The following CYGB variants were observed in gnomAD, a reference collection of about 807,000 sequenced individuals.
CYGB encodes the protein histoglobin.
A neutral mutation model predicts 20.7 loss-of-function variants in CYGB; 13 were observed. The ratio of observed to expected loss-of-function variants is 0.63; its 90% CI spans 0.41 to 1.00. The LOEUF is 1.00. Among genes scored for constraint, CYGB ranks in the 50% least tolerant of loss-of-function variants. CYGB has a pLI of 0.00. For missense variants in CYGB, 218 were observed against 257.2 expected (o/e 0.85, Z 1.04); for synonymous variants, 93 against 107.4 (o/e 0.87, Z 0.83).
chr17:76,542,891 G>A, intron 1 of CYGB: 1 of 594,820 alleles, frequency 1.7e-6, no homozygotes, highest in Non-Finnish European at 3.2e-6. Flanking sequence ...GGGATGGCGA[G>A]GTGGTCGTGC....
At chr17:76,542,655 G>A, upstream of CYGB, 1 of 1,528,758 alleles carries the variant, frequency 6.5e-7, no homozygotes, top group Non-Finnish European at 9.1e-7. Context: ...CTGGGAGCCG[G>A]GGAGGGCAGA....
At chr17:76,542,344 C>T (rs1305992888), upstream of CYGB, among the ~76,000 whole-genome samples, 2 of 152,212 alleles carry the variant, frequency 1.3e-5, no homozygotes, top group Non-Finnish European at 2.9e-5. Flanking sequence ...GAACCACCTG[C>T]CGATGGTGGC....
chr17:76,540,259 GGGGGCAT>G, upstream of CYGB: 2 of 1,026,674 alleles, frequency 1.9e-6, no homozygotes, highest in Non-Finnish European at 3.0e-6. This position sits in a 1 kb window ranked among gnomAD's most constrained non-coding sequence, Gnocchi z 5.0. Context: ...GTCGGGGGGG[GGGGGCAT>G]GGGGCTGGGC....
In CYGB at chr17:76,527,680, C is replaced by A. The variant is rs1411689874; in HGVS notation, c.*898G>T. 1 of 454,000 alleles carries A rather than the reference C, an allele frequency of 2.2e-6. No homozygotes were observed. Among genetic ancestry groups the A allele is most frequent in the South Asian group, 1.6e-5 (1 of 64,476 alleles). The allele number at this position is 454,000 out of a possible 1,614,324, so 28.1% of individuals were successfully genotyped here. On this transcript the variant is annotated 3_prime_UTR_variant, in exon 4 of 4. Coordinates refer to ENST00000293230, the MANE Select transcript of CYGB (RefSeq NM_134268.5). ...GTGAGACCCAGGCATGTGGTCCCGC[C>A]GACCTGCTGCCCAGCAGCCCGGATC...
chr17:76,540,796 G>T (rs906619549), upstream of CYGB, among the ~76,000 whole-genome samples: 1 of 152,244 alleles, frequency 6.6e-6, no homozygotes, highest in Admixed American at 6.5e-5. This position sits in a 1 kb window ranked among gnomAD's most constrained non-coding sequence, Gnocchi z 5.0. Flanking sequence ...GACCAAAGCC[G>T]CTGTGCCTCT....
Position 76,535,848 on chromosome 17 carries a change from G to A in CYGB, c.143+1552C>T, listed in dbSNP as rs114196067. On this transcript the variant is annotated intron_variant, in intron 1 of 3. Coordinates refer to ENST00000293230, the MANE Select transcript of CYGB (RefSeq NM_134268.5). ...CGGTGAGCACTTCCTCCACGTATCCGCACAGGTACCTGGCAGGGGTTGGGA... is the reference window on the plus strand; with the variant it reads ...CGGTGAGCACTTCCTCCACGTATCCACACAGGTACCTGGCAGGGGTTGGGA... 4.1e-3 allele frequency among the ~76,000 whole-genome samples: 630 copies of A among 152,314 alleles called. 4 individuals carry two copies. The highest frequency in any genetic ancestry group is 0.015 in the African/African-American group (607 of 41,562).
chr17:76,539,884 A>G, upstream of CYGB: 1 of 579,870 alleles, frequency 1.7e-6, no homozygotes, highest in South Asian at 2.1e-5. Flanking sequence ...TCAGATCGAG[A>G]CTCCGAATAC....
At position 76,530,846 on chromosome 17, in the gene CYGB, C is replaced by G. The variant is rs758048748; in HGVS notation, c.539+133G>C. On this transcript the variant is annotated intron_variant, in intron 3 of 3. Coordinates refer to ENST00000293230, the MANE Select transcript of CYGB (RefSeq NM_134268.5). This position sits in a 1 kb window ranked among gnomAD's most constrained non-coding sequence, Gnocchi z 6.1. ...TTATGCCTGTTCTTACATGTCAGACCCCAGGGTTGGCCTGCCTCAAGTGTG... is the reference window on the plus strand; with the variant it reads ...TTATGCCTGTTCTTACATGTCAGACGCCAGGGTTGGCCTGCCTCAAGTGTG... 4 of 991,764 alleles carry G rather than the reference C, an allele frequency of 4.0e-6. No individual in the cohort carries two copies. The highest frequency in any genetic ancestry group is 5.8e-6 in the Non-Finnish European group (4 of 690,122). 61.4% of individuals were successfully genotyped at this position (991,764 alleles called of 1,614,324 possible). A position where few individuals can be genotyped will look rare whatever the true frequency, so the allele number is the denominator to read the frequency against.
chr17:76,542,802 GC>G (rs2075007571), intron 1 of CYGB, among the ~76,000 whole-genome samples: 1 of 152,238 alleles, frequency 6.6e-6, no homozygotes, highest in African/African-American at 2.4e-5. Flanking sequence ...GCTACCTTGA[GC>G]CTGTTGTGGT....
chr17:76,532,120 C>T (rs906865125), intron 1 of CYGB: 1 of 166,052 alleles, frequency 6.0e-6, no homozygotes, highest in Non-Finnish European at 1.3e-5. Context: ...TTCATGAAGT[C>T]ATGCTTATGC....
Position 76,531,283 on chromosome 17 carries a change from G to A in CYGB, c.376-141C>T. On this transcript the variant is annotated intron_variant, in intron 2 of 3. Coordinates refer to ENST00000293230, the MANE Select transcript of CYGB (RefSeq NM_134268.5). This position sits in a 1 kb window ranked among gnomAD's most constrained non-coding sequence, Gnocchi z 7.4. The stretch of plus-strand genomic sequence containing the variant: ...CAGCTTTGGGAACCCCGTGCTCTCA[G>A]GACAAGGGTTGCCCTGGACCCAGCC... 1 of 1,221,238 alleles carries A rather than the reference G, an allele frequency of 8.2e-7. No individual in the cohort carries two copies. Among genetic ancestry groups the A allele is most frequent in the Non-Finnish European group, 1.1e-6 (1 of 877,188 alleles). 75.7% of individuals were successfully genotyped at this position (1,221,238 alleles called of 1,614,324 possible).
Position 76,527,986 on chromosome 17 carries a change from C to CG in CYGB, c.*591dup, listed in dbSNP as rs1282611822. The CG allele has an allele frequency of 2.8e-6, 1 of 362,294 alleles. No homozygotes were observed. Among genetic ancestry groups the CG allele is most frequent in the African/African-American group, 2.1e-5 (1 of 47,016 alleles). The allele number at this position is 362,294 out of a possible 1,614,324, so 22.4% of individuals were successfully genotyped here. On this transcript the variant is annotated 3_prime_UTR_variant, in exon 4 of 4. Coordinates refer to ENST00000293230, the MANE Select transcript of CYGB (RefSeq NM_134268.5). ...TGCCCCTCCAGGCCCAGGTCCTCTGCGCTGCTGTGGGATTTCCTCTTTGCC... is the reference window on the plus strand; with the variant it reads ...TGCCCCTCCAGGCCCAGGTCCTCTGCGGCTGCTGTGGGATTTCCTCTTTGCC...
At chr17:76,538,657 C>A (rs568013438), upstream of CYGB, 562 of 348,260 alleles carry the variant, frequency 1.6e-3, 3 homozygotes, top group Non-Finnish European at 2.9e-3. Flanking sequence ...ACCAAGGGCC[C>A]GATTCCGGGC....
At chr17:76,540,554 G>C, upstream of CYGB, 1 of 1,613,550 alleles carries the variant, frequency 6.2e-7, no homozygotes, top group African/African-American at 1.3e-5. The surrounding 1 kb of genome is among the most constrained non-coding windows in gnomAD (Gnocchi z 5.0). Context: ...CTTGGATGCG[G>C]ACCCTCAGTC....
rs2074818444 is a variant in CYGB, at chr17:76,530,140, G to A, written c.539+839C>T. The A allele has an allele frequency of 1.0e-6, 1 of 966,456 alleles. No homozygotes were observed. The highest frequency in any genetic ancestry group is 1.2e-6 in the Non-Finnish European group (1 of 812,948). 59.9% of individuals were successfully genotyped at this position (966,456 alleles called of 1,614,324 possible). ...TACCACGGGAATGTTTCTCTACCAC[G>A]CGTGTCCCGGGCTGCTGGCTGACCT... On this transcript the variant is annotated intron_variant, in intron 3 of 3. Coordinates refer to ENST00000293230, the MANE Select transcript of CYGB (RefSeq NM_134268.5). This position sits in a 1 kb window ranked among gnomAD's most constrained non-coding sequence, Gnocchi z 6.1.
chr17:76,527,570 A>C lies in CYGB; in HGVS notation c.*1008T>G. 2 of 445,768 alleles carry C rather than the reference A, an allele frequency of 4.5e-6. No homozygotes were observed. Among genetic ancestry groups the C allele is most frequent in the Non-Finnish European group, 9.1e-6 (2 of 219,628 alleles). 27.6% of individuals were successfully genotyped at this position (445,768 alleles called of 1,614,324 possible). A position where few individuals can be genotyped will look rare whatever the true frequency, so the allele number is the denominator to read the frequency against. Reference sequence around the variant, plus strand: ...GCACACACGGGGGGCCCCCCTGGCAAGCCTGACGCAGATGAATAGACAGGG... The same window carrying C: ...GCACACACGGGGGGCCCCCCTGGCACGCCTGACGCAGATGAATAGACAGGG... On this transcript the variant is annotated 3_prime_UTR_variant, in exon 4 of 4. Coordinates refer to ENST00000293230, the MANE Select transcript of CYGB (RefSeq NM_134268.5).
At chr17:76,542,327 C>A (rs896194548), upstream of CYGB, among the ~76,000 whole-genome samples, 3 of 152,208 alleles carry the variant, frequency 2.0e-5, no homozygotes, top group Non-Finnish European at 4.4e-5. Context: ...ATTGGTCTGA[C>A]ATCGAGGAAC....
At chr17:76,534,975 G>C (rs767583595) in intron 1 of CYGB, among the ~76,000 whole-genome samples, 2 of 152,250 alleles carry the variant, frequency 1.3e-5, no homozygotes, top group African/African-American at 4.8e-5. Context: ...AGCCAGCCCT[G>C]GGGAGTTTCT....
At position 76,537,547 on chromosome 17, in the gene CYGB, A is replaced by G; in HGVS notation, c.-5T>C. 2.0e-6 allele frequency: 3 copies of G among 1,515,712 alleles called. No individual in the cohort carries two copies. Among genetic ancestry groups the G allele is most frequent in the Non-Finnish European group, 2.7e-6 (3 of 1,131,826 alleles). 93.9% of individuals were successfully genotyped at this position (1,515,712 alleles called of 1,614,324 possible). A position where few individuals can be genotyped will look rare whatever the true frequency, so the allele number is the denominator to read the frequency against. On this transcript the variant is annotated 5_prime_UTR_variant, in exon 1 of 4. Coordinates refer to ENST00000293230, the MANE Select transcript of CYGB (RefSeq NM_134268.5). Reference sequence around the variant, plus strand: ...CTCGCCTGGCACTTTCTCCATGAGCAGCTCCAAGCCCAGCCCGGCTTTGCT... The same window carrying G: ...CTCGCCTGGCACTTTCTCCATGAGCGGCTCCAAGCCCAGCCCGGCTTTGCT...
Sources: gnomAD v4.1 joint callset for allele counts (sites outside exome capture counted in the v4.1 genomes callset) on GRCh38, gnomAD v4.1.1 for gene constraint, Gnocchi (gnomAD v3.1) non-coding constraint, MANE v1.5 for transcripts, NCBI Gene and HGNC (gene_info 2026-07-23, HGNC 2026-07-21) for gene names.